Variants in PRRC2A observed in about 807,000 individuals in gnomAD.
PRRC2A encodes proline rich coiled-coil 2A, also known as protein PRRC2A.
PRRC2A carries 59 observed loss-of-function variants against 224.6 expected under a neutral mutation model. The ratio of observed to expected loss-of-function variants is 0.26; its 90% confidence interval spans 0.21 to 0.33. The LOEUF (loss-of-function observed/expected upper bound fraction) is 0.33, where lower values mean the gene tolerates loss of function less well. Ranked by LOEUF, PRRC2A falls within the 10% of genes least tolerant of loss-of-function variation. The probability of loss-of-function intolerance (pLI) is 1.00; values close to 1 mark genes in which losing one functional copy is unlikely to be tolerated. For missense variants in PRRC2A, 3,095 were observed against 2,880.7 expected, an observed-to-expected ratio of 1.07 and a Z score of -1.70; for synonymous variants, 1,194 against 1,109.5, an observed-to-expected ratio of 1.08 and a Z score of -1.51.
chr6:31,631,408 GCCC>G lies in PRRC2A; in HGVS notation c.2739_2741del (p.Pro916del). On this transcript the variant is annotated inframe_deletion, in exon 16 of 31. Transcript: ENST00000376033. The surrounding 1 kb of genome is among the most constrained non-coding windows in gnomAD (Gnocchi z 4.5). ...CGCGGAGTCGGGAGTGGAGGCCAGG[GCCC>G]CCCACCACCACGCAGAGAGAGTCGC... The G allele has an allele frequency of 6.2e-7, 1 of 1,608,970 alleles. No individual in the cohort carries two copies.
intron 16 of PRRC2A, among the ~76,000 whole-genome samples, 188 bp from the exon 17 acceptor site, chr6:31,633,191 T>G (rs1051090984): frequency 9.2e-5 from 14 of 152,214 alleles, no homozygotes. Context: ...CACCCACCTA[T>G]GTATTCATTG....
At chr6:31,633,273 C>T in intron 16 of PRRC2A, 106 bp from the exon 17 acceptor site, 1 of 1,487,754 alleles carries the variant, frequency 6.7e-7, no homozygotes, top group Non-Finnish European at 9.1e-7. Context: ...AACACCTGGA[C>T]TTTAATAGGG....
chr6:31,637,563 C>A lies in PRRC2A; in HGVS notation c.6451C>A (p.Pro2151Thr). Residue 2151 changes from proline (P) to threonine (T), a missense_variant, in exon 31 of 31, where the codon CCT (proline) becomes ACT (threonine). Transcript: ENST00000376033. ...GCCTGGGTCCCGAGGGGACAAGGAGCCTGGGTTGCCCCCACCCCGCTGAGG... is the reference window on the plus strand; with the variant it reads ...GCCTGGGTCCCGAGGGGACAAGGAGACTGGGTTGCCCCCACCCCGCTGAGG... Reference protein sequence around the residue: ...EEPGSRGDKEPGLPPPR With the variant: ...EEPGSRGDKETGLPPPR 6.3e-7 allele frequency: 1 copy of A among 1,584,208 alleles called. No homozygotes were observed. The highest frequency in any genetic ancestry group is 2.3e-5 in the East Asian group (1 of 44,178).
In PRRC2A at chr6:31,637,564, C is replaced by T. The variant is rs1777665066; in HGVS notation, c.6452C>T (p.Pro2151Leu). The T allele has an allele frequency of 6.4e-7, 1 of 1,559,772 alleles. No homozygotes were observed. The highest frequency in any genetic ancestry group is 8.7e-7 in the Non-Finnish European group (1 of 1,151,324). The change falls in exon 31 of 31, where the codon CCT becomes CTT. Residue 2151 changes from proline to leucine, a missense_variant. Coordinates refer to ENST00000376033, the MANE Select transcript of PRRC2A (RefSeq NM_004638.4). ...EEPGSRGDKE[P>L]GLPPPR Reference sequence around the variant, plus strand: ...CCTGGGTCCCGAGGGGACAAGGAGCCTGGGTTGCCCCCACCCCGCTGAGGG... The same window carrying T: ...CCTGGGTCCCGAGGGGACAAGGAGCTTGGGTTGCCCCCACCCCGCTGAGGG...
chr6:31,635,689 C>T lies in PRRC2A; in HGVS notation c.5481C>T (p.Ser1827=), dbSNP rs1561840416. Reference sequence around the variant, plus strand: ...GGCACTGTGTCCCGGAGCCCAGCTCCTCAGGCCAGCGCCTGTATCCTGAGG... The same window carrying T: ...GGCACTGTGTCCCGGAGCCCAGCTCTTCAGGCCAGCGCCTGTATCCTGAGG... ...DSGHCVPEPS[S]SGQRLYPEVF... is the part of the protein sequence containing the mutation. Residue 1827 remains serine, a synonymous_variant, in exon 24 of 31, where the codon TCC becomes TCT. Transcript: ENST00000376033. 3 of 1,612,728 alleles carry T rather than the reference C, an allele frequency of 1.9e-6. No individual in the cohort carries two copies. Among genetic ancestry groups the T allele is most frequent in the African/African-American group, 2.7e-5 (2 of 75,038 alleles).
chr6:31,631,626 A>G lies in PRRC2A; in HGVS notation c.2953A>G (p.Lys985Glu). 2 of 1,522,676 alleles carry G rather than the reference A, an allele frequency of 1.3e-6. No individual in the cohort carries two copies. The highest frequency in any genetic ancestry group is 8.8e-7 in the Non-Finnish European group (1 of 1,138,308). 94.3% of individuals were successfully genotyped at this position (1,522,676 alleles called of 1,614,324 possible). A position where few individuals can be genotyped will look rare whatever the true frequency, so the allele number is the denominator to read the frequency against. The change falls in exon 16 of 31, where the codon AAG becomes GAG. Residue 985 changes from lysine to glutamate, a missense_variant. Lys to Glu is a moderately conservative substitution (Grantham distance 56). This residue lies in a region of PRRC2A where 2,001 missense variants were observed against 1,764.9 expected (regional missense o/e 1.13). Coordinates refer to ENST00000376033, the MANE Select transcript of PRRC2A (RefSeq NM_004638.4). This position sits in a 1 kb window ranked among gnomAD's most constrained non-coding sequence, Gnocchi z 4.5. ...CAAACCCCCAAAGCCAGACCCACTCAAGATAACCAAGGGGAAGCTAGGGGG... is the reference window on the plus strand; with the variant it reads ...CAAACCCCCAAAGCCAGACCCACTCGAGATAACCAAGGGGAAGCTAGGGGG... ...TPKPPKPDPL[K>E]ITKGKLGGPK...
Position 31,633,956 on chromosome 6 carries a change from G to A in PRRC2A, c.4686G>A (p.Glu1562=), listed in dbSNP as rs751193272. Residue 1562 remains glutamate (E), a synonymous_variant, in exon 18 of 31, where the codon GAG becomes GAA. Transcript: ENST00000376033. ...GTCCCTTTCCCCCTAAACGTCGGGAGCGGCCTCCCAGAAAACCAGAGCTGC... is the reference window on the plus strand; with the variant it reads ...GTCCCTTTCCCCCTAAACGTCGGGAACGGCCTCCCAGAAAACCAGAGCTGC... The part of the protein sequence containing the change: ...GVSPFPPKRR[E]RPPRKPELLQ... The A allele has an allele frequency of 3.1e-6, 5 of 1,603,112 alleles. No homozygotes were observed. In the African/African-American group the frequency reaches 5.4e-5, roughly 17 times the overall value.
At chr6:31,633,830 C>T (rs2150528740) in intron 17 of PRRC2A, 29 bp from the exon 18 acceptor site, 1 of 1,564,390 alleles carries the variant, frequency 6.4e-7, no homozygotes, top group Non-Finnish European at 8.6e-7. Flanking sequence ...CAGAGCCAGG[C>T]AGATGCTGAC....
Position 31,625,927 on chromosome 6 carries a change from G to C in PRRC2A, c.839+56G>C, listed in dbSNP as rs1299989589. ...GGGGCAGGGGAAGCTTATTGGGGGA[G>C]GAGATGGTTTTCTAGCCAGGAGGCT... On this transcript the variant is annotated intron_variant, in intron 8 of 30. Transcript: ENST00000376033. This position sits in a 1 kb window ranked among gnomAD's most constrained non-coding sequence, Gnocchi z 4.1. 1 of 1,582,310 alleles carries C rather than the reference G, an allele frequency of 6.3e-7. No individual in the cohort carries two copies. Among genetic ancestry groups the C allele is most frequent in the Non-Finnish European group, 8.7e-7 (1 of 1,155,936 alleles).
rs1479083244 is a variant in PRRC2A at position 31,635,640 on chromosome 6, C to T, written c.5432C>T (p.Pro1811Leu). 2.5e-6 allele frequency: 4 copies of T among 1,612,896 alleles called. No homozygotes were observed. Among genetic ancestry groups the T allele is most frequent in the Admixed American group, 1.7e-5 (1 of 60,020 alleles). ...LLPSAAASAEPQSKNLDSGHC... is the reference protein window; with the variant it reads ...LLPSAAASAELQSKNLDSGHC... ...CCCAGTGCTGCTGCCTCTGCTGAGC[C>T]ACAATCCAAGAACCTGGATTCTGGG... The change falls in exon 24 of 31, where the codon CCA becomes CTA. Residue 1811 changes from proline (P) to leucine (L), a missense_variant. By Grantham distance (98) the Pro-to-Leu change is moderately conservative (BLOSUM62 -3). Coordinates refer to ENST00000376033, the MANE Select transcript of PRRC2A (RefSeq NM_004638.4).
chr6:31,628,544 A>G, intron 12 of PRRC2A: 1 of 445,534 alleles, frequency 2.2e-6, no homozygotes, highest in Non-Finnish European at 3.9e-6. Context: ...AGCCTGGGCA[A>G]CAAAGCAAGA....
Position 31,625,348 on chromosome 6 carries a change from A to G in PRRC2A, c.607+34A>G, listed in dbSNP as rs766895105. ...CTGCCTTTTGGCCAAGACATTACCT[A>G]TTGCATCTCAGAGCTAGGTGCTGGC... On this transcript the variant is annotated intron_variant, in intron 6 of 30. Transcript: ENST00000376033. This position sits in a 1 kb window ranked among gnomAD's most constrained non-coding sequence, Gnocchi z 4.1. 79 of 1,613,988 alleles carry G rather than the reference A, an allele frequency of 4.9e-5. No individual in the cohort carries two copies. The highest frequency in any genetic ancestry group is 6.7e-5 in the African/African-American group (5 of 74,904).
chr6:31,635,025 T>G, intron 21 of PRRC2A, 48 bp downstream of exon 21: 1 of 1,602,238 alleles, frequency 6.2e-7, no homozygotes. Context: ...GAATCTGACT[T>G]TGGCCCTACC....
In PRRC2A at chr6:31,633,560, C is replaced by T; in HGVS notation, c.4501C>T (p.Pro1501Ser). The T allele has an allele frequency of 1.9e-6, 3 of 1,613,058 alleles. No homozygotes were observed. The highest frequency in any genetic ancestry group is 1.1e-5 in the South Asian group (1 of 91,084). Reference protein sequence around the residue: ...TAPGGHPRHKPGLPQAPQGPS... With the variant: ...TAPGGHPRHKSGLPQAPQGPS... ...ACCAGGGGGTCATCCAAGGCACAAGCCTGGGCTTCCCCAAGCCCCTCAGGG... is the reference window on the plus strand; with the variant it reads ...ACCAGGGGGTCATCCAAGGCACAAGTCTGGGCTTCCCCAAGCCCCTCAGGG... The change falls in exon 17 of 31, where the codon CCT becomes TCT. Residue 1501 changes from proline to serine, a missense_variant. Around this residue, in one of 8 missense-constraint regions of PRRC2A, gnomAD observed 2,001 missense variants for 1,764.9 expected, o/e 1.13. Coordinates refer to ENST00000376033, the MANE Select transcript of PRRC2A (RefSeq NM_004638.4).
At chr6:31,630,324 A>AT (rs9281538) in intron 14 of PRRC2A, among the ~76,000 whole-genome samples, 47,611 of 152,062 alleles carry the variant, frequency 0.31, 7,801 homozygotes, top group Non-Finnish European at 0.32. Context: ...TCAAAAATGA[A>AT]TGAATGAATA....
intron 2 of PRRC2A, 56 bp from the exon 3 acceptor site, chr6:31,623,676 G>A: frequency 6.4e-7 from 1 of 1,562,350 alleles, no homozygotes. Flanking sequence ...AGGATAGGAG[G>A]CCATCAGATC....
intron 21 of PRRC2A, 21 bp downstream of exon 21, chr6:31,634,998 A>C (rs763770320): frequency 1.2e-6 from 2 of 1,607,536 alleles, no homozygotes; most frequent in Non-Finnish European, 1.7e-6. Flanking sequence ...AAAAAAGGAT[A>C]AGGGGAATGT....
chr6:31,630,948 T>TG, intron 15 of PRRC2A, 147 bp downstream of exon 15: 1 of 1,284,582 alleles, frequency 7.8e-7, no homozygotes, highest in Non-Finnish European at 1.1e-6. Flanking sequence ...CCCAGCATTT[T>TG]GGGAGGCTGA....
intron 1 of PRRC2A, among the ~76,000 whole-genome samples, chr6:31,622,163 C>A (rs1264669270): frequency 6.6e-6 from 1 of 152,202 alleles, no homozygotes; most frequent in East Asian, 1.9e-4. Context: ...TGAGCAAGCT[C>A]ATAAAATCCT....
Sources: gnomAD v4.1 joint callset for allele counts (sites outside exome capture counted in the v4.1 genomes callset) on GRCh38, gnomAD v4.1.1 for gene constraint, gnomAD v4.1.1 regional missense constraint, Gnocchi (gnomAD v3.1) non-coding constraint, MANE v1.5 for transcripts, NCBI Gene and HGNC (gene_info 2026-07-23, HGNC 2026-07-21) for gene names.